The following LOC400499 variants were observed in gnomAD, a reference collection of about 807,000 sequenced individuals.
At chr16:11,479,480 G>C in the LOC400499 span, among the ~76,000 whole-genome samples, 5 of 150,818 alleles carry the variant, frequency 3.3e-5, no homozygotes, top group African/African-American at 1.2e-4. Context: ...AAAAAAAGCC[G>C]GGTATGGTGG....
At chr16:11,447,246 C>T in the LOC400499 span, among the ~76,000 whole-genome samples, 1 of 152,112 alleles carries the variant, frequency 6.6e-6, no homozygotes, top group Non-Finnish European at 1.5e-5. Flanking sequence ...GCTGTGTGAC[C>T]TTGGGAAAAG....
At chr16:11,426,781 G>C in the LOC400499 span, among the ~76,000 whole-genome samples, 1 of 150,602 alleles carries the variant, frequency 6.6e-6, no homozygotes, top group Admixed American at 6.6e-5. Context: ...AAATTATCTG[G>C]GCATGGTGGC....
the LOC400499 span, among the ~76,000 whole-genome samples, chr16:11,375,482 T>C: frequency 1.0e-4 from 14 of 140,544 alleles, no homozygotes; most frequent in East Asian, 2.8e-3. Flanking sequence ...CCTGGCTAAT[T>C]TTTTATTTTT....
the LOC400499 span, among the ~76,000 whole-genome samples, chr16:11,413,170 C>G: frequency 6.6e-6 from 1 of 152,288 alleles, no homozygotes; most frequent in East Asian, 1.9e-4. Flanking sequence ...CGAGGGACCT[C>G]AAAGGACAGC....
the LOC400499 span, among the ~76,000 whole-genome samples, chr16:11,464,483 C>A: frequency 6.6e-6 from 1 of 152,254 alleles, no homozygotes; most frequent in African/African-American, 2.4e-5. Context: ...GCTCTCCAGG[C>A]AACCCACGAC....
chr16:11,503,570 A>T, the LOC400499 span, among the ~76,000 whole-genome samples: 1 of 152,142 alleles, frequency 6.6e-6, no homozygotes, highest in African/African-American at 2.4e-5. Flanking sequence ...CGAGGCTGGG[A>T]CCTGCTTCCC....
the LOC400499 span, chr16:11,399,741 G>A: frequency 5.0e-6 from 2 of 398,798 alleles, no homozygotes; most frequent in East Asian, 3.6e-5. Flanking sequence ...CCCAGGCGGT[G>A]CTGTGTGCTA....
the LOC400499 span, among the ~76,000 whole-genome samples, chr16:11,510,093 C>T: frequency 6.6e-6 from 1 of 151,654 alleles, no homozygotes; most frequent in Non-Finnish European, 1.5e-5. Context: ...AGAAACTGCC[C>T]TCTGCTCTAC....
At chr16:11,459,004 T>C in the LOC400499 span, among the ~76,000 whole-genome samples, 2 of 150,326 alleles carry the variant, frequency 1.3e-5, no homozygotes, top group Admixed American at 6.6e-5. Context: ...ACCATTGCAC[T>C]CCAGCCTGGG....
At chr16:11,416,170 G>C in the LOC400499 span, among the ~76,000 whole-genome samples, 1 of 151,850 alleles carries the variant, frequency 6.6e-6, no homozygotes, top group African/African-American at 2.4e-5. Flanking sequence ...GGCTAGTCTC[G>C]AACTCCTGAC....
At chr16:11,389,287 C>CG in the LOC400499 span, among the ~76,000 whole-genome samples, 1 of 152,240 alleles carries the variant, frequency 6.6e-6, no homozygotes, top group Non-Finnish European at 1.5e-5. Context: ...TGCTACCTAA[C>CG]GTATAGCTCA....
chr16:11,419,762 C>A, the LOC400499 span, among the ~76,000 whole-genome samples: 1 of 152,052 alleles, frequency 6.6e-6, no homozygotes, highest in Non-Finnish European at 1.5e-5. Context: ...AAAAAAACAA[C>A]CCCATCAAAA....
At chr16:11,449,095 T>C in the LOC400499 span, 8 of 1,454,278 alleles carry the variant, frequency 5.5e-6, no homozygotes, top group South Asian at 1.3e-5. Context: ...GCCAAGACTG[T>C]CACTGTGGAA....
At chr16:11,512,017 G>A in the LOC400499 span, among the ~76,000 whole-genome samples, 2 of 151,440 alleles carry the variant, frequency 1.3e-5, no homozygotes, top group South Asian at 2.1e-4. Context: ...GGCTGGGCAC[G>A]GTGGCTCATG....
At chr16:11,509,120 CTTTTTTTT>C in the LOC400499 span, among the ~76,000 whole-genome samples, 2 of 130,766 alleles carry the variant, frequency 1.5e-5, no homozygotes, top group Non-Finnish European at 3.2e-5. Flanking sequence ...CCTTTTTTTT[CTTTTTTTT>C]TTTTTTTTGA....
the LOC400499 span, among the ~76,000 whole-genome samples, chr16:11,394,199 A>C: frequency 6.6e-6 from 1 of 152,224 alleles, no homozygotes; most frequent in African/African-American, 2.4e-5. Context: ...CACACCTGGC[A>C]TAACACCCCA....
At chr16:11,448,002 C>T in the LOC400499 span, 1 of 1,536,108 alleles carries the variant, frequency 6.5e-7, no homozygotes, top group Non-Finnish European at 8.7e-7. Context: ...GCTCTCCTTC[C>T]AACTGCAGGC....
At chr16:11,376,712 T>G in the LOC400499 span, among the ~76,000 whole-genome samples, 1 of 152,212 alleles carries the variant, frequency 6.6e-6, no homozygotes, top group Non-Finnish European at 1.5e-5. Flanking sequence ...GATGGATTTT[T>G]CTATAAGTGA....
At chr16:11,396,553 G>A in the LOC400499 span, 3 of 1,232,204 alleles carry the variant, frequency 2.4e-6, no homozygotes, top group Non-Finnish European at 3.0e-6. Flanking sequence ...GCCTGCTGTG[G>A]TTTTGGAGGG....
Sources: gnomAD v4.1 joint callset for allele counts (sites outside exome capture counted in the v4.1 genomes callset) on GRCh38, gnomAD v4.1.1 for gene constraint, MANE v1.5 for transcripts.